Variants in DNAAF1 observed in about 807,000 individuals in gnomAD.
DNAAF1 encodes dynein assembly factor 1, axonemal.
DNAAF1 carries 65 observed loss-of-function variants against 71.1 expected under a neutral mutation model. The observed-to-expected ratio is 0.91, with a 90% CI of 0.75 to 1.12. The LOEUF (loss-of-function observed/expected upper bound fraction) is 1.12. Among genes scored for constraint, DNAAF1 ranks in the 50% most tolerant of loss-of-function variants. The pLI, the probability that DNAAF1 is intolerant of heterozygous loss-of-function variation, is 0.00. For missense variants in DNAAF1, 1,178 were observed against 899.8 expected (o/e 1.31, Z -3.96); for synonymous variants, 414 against 354.6 (o/e 1.17, Z -1.88).
Position 84,177,858 on chromosome 16 carries a change from G to A in DNAAF1, c.*17G>A, listed in dbSNP as rs1397647413. ...GCATCATAGTTTTCCCCAGTTATATGTAGCATAAATGGTTTAATCATAAAT... is the reference window on the plus strand; with the variant it reads ...GCATCATAGTTTTCCCCAGTTATATATAGCATAAATGGTTTAATCATAAAT... On this transcript the variant is annotated 3_prime_UTR_variant, in exon 12 of 12. Coordinates refer to ENST00000378553, the MANE Select transcript of DNAAF1 (RefSeq NM_178452.6). The A allele has an allele frequency of 1.3e-6, 2 of 1,592,600 alleles. No individual in the cohort carries two copies. Among genetic ancestry groups the A allele is most frequent in the African/African-American group, 1.3e-5 (1 of 74,486 alleles).
In DNAAF1 at chr16:84,176,166, A is replaced by C; in HGVS notation, c.1932A>C (p.Arg644Ser). 1 of 1,613,938 alleles carries C rather than the reference A, an allele frequency of 6.2e-7. No homozygotes were observed. The highest frequency in any genetic ancestry group is 8.5e-7 in the Non-Finnish European group (1 of 1,180,004). The change falls in exon 11 of 12, where the codon AGA becomes AGC. Residue 644 changes from arginine to serine, a missense_variant. Physicochemically the swap from Arg to Ser is moderately radical, Grantham distance 110. Transcript: ENST00000378553. The stretch of plus-strand genomic sequence containing the variant: ...GAAAACAAGACACCAAGTCCCCAAG[A>C]CCCCTGATCCAGGAGCTCAGCGACG... Reference protein sequence around the residue: ...EIRKQDTKSPRPLIQELSDED... With the variant: ...EIRKQDTKSPSPLIQELSDED...
chr16:84,173,602 G>A (rs970593788), intron 9 of DNAAF1: 1 of 898,720 alleles, frequency 1.1e-6, no homozygotes, highest in African/African-American at 1.8e-5. Context: ...GGGAGGCCAA[G>A]GTGGGTGGAT....
At chr16:84,161,770 A>G (rs1284173607) in intron 6 of DNAAF1, among the ~76,000 whole-genome samples, 4 of 151,846 alleles carry the variant, frequency 2.6e-5, no homozygotes, top group Admixed American at 6.6e-5. Context: ...CTGTCGTTTT[A>G]TTAGAGCACT....
intron 8 of DNAAF1, among the ~76,000 whole-genome samples, chr16:84,171,523 A>G (rs2088344340): frequency 6.6e-6 from 1 of 152,224 alleles, no homozygotes; most frequent in South Asian, 2.1e-4. Flanking sequence ...TCGCGATTCC[A>G]CATTCCTCAG....
intron 1 of DNAAF1, 31 bp from the exon 2 acceptor site, chr16:84,148,976 C>G: frequency 6.2e-7 from 1 of 1,613,442 alleles, no homozygotes; most frequent in Non-Finnish European, 8.5e-7. Flanking sequence ...ATATCTTGAT[C>G]TCTACAGACC....
At chr16:84,174,516 C>G in intron 9 of DNAAF1, 153 bp from the exon 10 acceptor site, 2 of 1,540,698 alleles carry the variant, frequency 1.3e-6, no homozygotes, top group Non-Finnish European at 1.8e-6. Context: ...TCTAGAGTTC[C>G]TTTTGGTGGG....
chr16:84,155,508 G>A lies in DNAAF1; in HGVS notation c.575-75G>A, dbSNP rs116585656. On this transcript the variant is annotated intron_variant, in intron 4 of 11. Coordinates refer to ENST00000378553, the MANE Select transcript of DNAAF1 (RefSeq NM_178452.6). ...GCCTTCCAAAGTGCTGGGATTACAG[G>A]TATGAACCACTGTGCCTGGCCCAAG... 1,989 of 1,520,764 alleles carry A rather than the reference G, an allele frequency of 1.3e-3. 26 individuals carry two copies. The African/African-American group carries it at 0.024, about 19-fold the overall frequency. 94.2% of individuals were successfully genotyped at this position (1,520,764 alleles called of 1,614,324 possible). A position where few individuals can be genotyped will look rare whatever the true frequency, so the allele number is the denominator to read the frequency against.
intron 8 of DNAAF1, among the ~76,000 whole-genome samples, chr16:84,171,693 T>G (rs1267514578): frequency 2.0e-5 from 3 of 152,082 alleles, no homozygotes; most frequent in Non-Finnish European, 4.4e-5. Flanking sequence ...TGCAGTCGGC[T>G]GCCATTTCCA....
chr16:84,175,722 G>T, intron 10 of DNAAF1: 2 of 602,636 alleles, frequency 3.3e-6, no homozygotes, highest in Non-Finnish European at 5.9e-6. Context: ...GGAGCAGAGG[G>T]CAGAGAGAAG....
intron 1 of DNAAF1, among the ~76,000 whole-genome samples, chr16:84,147,020 C>T (rs1007325262): frequency 6.6e-6 from 1 of 152,162 alleles, no homozygotes; most frequent in African/African-American, 2.4e-5. Flanking sequence ...ACACTGGGTT[C>T]AAGTTGAGGC....
At chr16:84,171,515 G>A (rs146497210) in intron 8 of DNAAF1, among the ~76,000 whole-genome samples, 2,774 of 152,250 alleles carry the variant, frequency 0.018, 49 homozygotes, top group Non-Finnish European at 0.024. Context: ...GGGGCTCCTC[G>A]CGATTCCACA....
chr16:84,170,844 G>A (rs4544225), intron 8 of DNAAF1, among the ~76,000 whole-genome samples: 63,010 of 151,018 alleles, frequency 0.42, 13,093 homozygotes, highest in African/African-American at 0.43. Flanking sequence ...AAAATAAATT[G>A]ATTAATAAAT....
At position 84,145,508 on chromosome 16, in the gene DNAAF1, G is replaced by A. The variant is rs2086855827; in HGVS notation, c.68G>A (p.Gly23Asp). 6.4e-7 allele frequency: 1 copy of A among 1,561,822 alleles called. No homozygotes were observed. The highest frequency in any genetic ancestry group is 8.7e-7 in the Non-Finnish European group (1 of 1,152,788). The change falls in exon 1 of 12, where the codon GGC becomes GAC. Residue 23 changes from glycine to aspartate, a missense_variant. Gly to Asp is a moderately conservative substitution (Grantham distance 94). Coordinates refer to ENST00000378553, the MANE Select transcript of DNAAF1 (RefSeq NM_178452.6). Reference sequence around the variant, plus strand: ...GAGCTGGATTGCGCGCAGGAGCCCGGCGTGGAGGAGTCTGCGGGTGACCAC... The same window carrying A: ...GAGCTGGATTGCGCGCAGGAGCCCGACGTGGAGGAGTCTGCGGGTGACCAC... ...AAELDCAQEP[G>D]VEESAGDHGS...
chr16:84,161,051 T>C (rs903471035), intron 6 of DNAAF1, among the ~76,000 whole-genome samples: 3 of 151,882 alleles, frequency 2.0e-5, no homozygotes, highest in Non-Finnish European at 2.9e-5. Flanking sequence ...GAGCAGCCAG[T>C]GTGCAGGGGT....
chr16:84,170,306 C>A lies in DNAAF1; in HGVS notation c.1478C>A (p.Thr493Asn), dbSNP rs758712587. The change falls in exon 8 of 12, where the codon ACC (threonine) becomes AAC (asparagine). Residue 493 changes from threonine to asparagine, a missense_variant. Coordinates refer to ENST00000378553, the MANE Select transcript of DNAAF1 (RefSeq NM_178452.6). The part of the protein sequence containing the change: ...GEDGDREPEG[T>N]LPAEAPPPPP... ...GATGGAGATCGAGAGCCAGAGGGGA[C>A]CCTCCCAGCTGAGGCCCCACCACCA... The A allele has an allele frequency of 1.2e-6, 2 of 1,611,950 alleles. No homozygotes were observed. The highest frequency in any genetic ancestry group is 1.1e-5 in the South Asian group (1 of 90,958).
chr16:84,172,623 C>G, intron 9 of DNAAF1: 2 of 1,341,400 alleles, frequency 1.5e-6, no homozygotes, highest in Non-Finnish European at 1.9e-6. Flanking sequence ...TTGGGGAGCC[C>G]TGACCCAAAT....
rs2288020 is a variant in DNAAF1 at position 84,176,132 on chromosome 16, T to A, written c.1898T>A (p.Leu633Ter). 6.2e-7 allele frequency: 1 copy of A among 1,613,466 alleles called. No individual in the cohort carries two copies. The highest frequency in any genetic ancestry group is 8.5e-7 in the Non-Finnish European group (1 of 1,179,764). The change falls in exon 11 of 12, where the codon TTG (leucine) becomes TAG (stop). Residue 633 changes from leucine to a stop codon, truncating the protein, a stop_gained. Coordinates refer to ENST00000378553, the MANE Select transcript of DNAAF1 (RefSeq NM_178452.6). LOFTEE classifies it high-confidence loss of function. Reference protein sequence around the residue: ...DIFKKEAKRDLEIRKQDTKSP... With the variant: ...DIFKKEAKRD ...TTTAAAAAAGAAGCTAAGAGGGACT[T>A]GGAAATCCGAAAACAAGACACCAAG...
chr16:84,149,551 C>T (rs895558843), intron 2 of DNAAF1, among the ~76,000 whole-genome samples: 1 of 151,026 alleles, frequency 6.6e-6, no homozygotes, highest in Admixed American at 6.6e-5. Flanking sequence ...ATTAGCTGGG[C>T]GTAGTGGCGG....
In DNAAF1 at chr16:84,175,966, A is replaced by T. The variant is rs1337673013; in HGVS notation, c.1732A>T (p.Ser578Cys). The T allele has an allele frequency of 6.2e-7, 1 of 1,614,026 alleles. No individual in the cohort carries two copies. Among genetic ancestry groups the T allele is most frequent in the East Asian group, 2.2e-5 (1 of 44,896 alleles). The change falls in exon 11 of 12, where the codon AGC becomes TGC. Residue 578 changes from serine to cysteine, a missense_variant. By Grantham distance (112) the Ser-to-Cys change is moderately radical (BLOSUM62 -1). Transcript: ENST00000378553. ...CTTTCCGAAGATTGAGGTCATCTCG[A>T]GCTTGAGTGATGACAGTGACCCTGA... ...MCFPKIEVIS[S>C]LSDDSDPELD...
Sources: gnomAD v4.1 joint callset for allele counts (sites outside exome capture counted in the v4.1 genomes callset) on GRCh38, gnomAD v4.1.1 for gene constraint, MANE v1.5 for transcripts, NCBI Gene and HGNC (gene_info 2026-07-23, HGNC 2026-07-21) for gene names.